SSC4D: variants seen among roughly 807,000 people sequenced by gnomAD.
The protein encoded by SSC4D is scavenger receptor cysteine rich family member with 4 domains, also known as scavenger receptor cysteine-rich domain-containing group B protein.
Under a neutral mutation model 63.4 loss-of-function variants are expected in SSC4D, and 57 were observed. The ratio of observed to expected loss-of-function variants is 0.90; its 90% CI spans 0.73 to 1.12. The LOEUF (loss-of-function observed/expected upper bound fraction) is 1.12. Ranked by LOEUF, SSC4D falls within the 50% of genes most tolerant of loss-of-function variation. The pLI is 0.00. For missense variants in SSC4D, 791 were observed against 806.4 expected (o/e 0.98, Z 0.23); for synonymous variants, 352 against 345.4 (o/e 1.02, Z -0.21).
In SSC4D at chr7:76,404,350, G is replaced by T. The variant is rs755675529; in HGVS notation, c.90C>A (p.Pro30=). 90 of 1,612,810 alleles carry T rather than the reference G, an allele frequency of 5.6e-5. No homozygotes were observed. The highest frequency in any genetic ancestry group is 7.4e-5 in the Non-Finnish European group (87 of 1,179,484). ...WRLGDGSAAP[P]FLPQALSFLL... is the part of the protein sequence containing the mutation. ...GGAAAGACAGGGCTTGGGGGAGGAA[G>T]GGAGGGGCAGCACTCCCATCTCCCA... The change falls in exon 2 of 11, where the codon CCC becomes CCA. Residue 30 remains proline, a synonymous_variant. Coordinates refer to ENST00000275560, the MANE Select transcript of SSC4D (RefSeq NM_080744.2).
chr7:76,396,003 C>T (rs1804630870), intron 6 of SSC4D, among the ~76,000 whole-genome samples: 1 of 152,238 alleles, frequency 6.6e-6, no homozygotes, highest in South Asian at 2.1e-4. Flanking sequence ...CCCATTATCC[C>T]CCTCTTACAG....
intron 7 of SSC4D, among the ~76,000 whole-genome samples, chr7:76,394,809 A>C (rs1804596440): frequency 6.9e-6 from 1 of 143,974 alleles, no homozygotes; most frequent in Non-Finnish European, 1.5e-5. Flanking sequence ...AATATATAAA[A>C]TATGTGTATA....
In SSC4D at chr7:76,400,494, C is replaced by T. The variant is rs149742950; in HGVS notation, c.267G>A (p.Val89=). ...WGSVCDDDWD[V]VDANVVCRQL... ...GGCGACACACTACGTTGGCGTCCAC[C>T]ACGTCCCAGTCGTCATCACAGACGC... Residue 89 remains valine (V), a synonymous_variant, in exon 4 of 11, where the codon GTG becomes GTA. Transcript: ENST00000275560. The T allele has an allele frequency of 9.4e-6, 15 of 1,603,976 alleles. No homozygotes were observed. The highest frequency in any genetic ancestry group is 1.3e-5 in the Non-Finnish European group (15 of 1,175,030).
chr7:76,404,381 C>T lies in SSC4D; in HGVS notation c.59G>A (p.Trp20Ter), dbSNP rs1804931391. The T allele has an allele frequency of 2.5e-6, 4 of 1,613,948 alleles. No individual in the cohort carries two copies. Among genetic ancestry groups the T allele is most frequent in the Non-Finnish European group, 3.4e-6 (4 of 1,179,966 alleles). The change falls in exon 2 of 11, where the codon TGG (tryptophan) becomes TAG (stop). Residue 20 changes from tryptophan to a stop codon, truncating the protein, a stop_gained. Transcript: ENST00000275560. LOFTEE classifies it high-confidence loss of function. ...GPQLDEKRWGWRLGDGSAAPP... is the reference protein window; with the variant it reads ...GPQLDEKRWG ...GGCAGCACTCCCATCTCCCAACCTC[C>T]ACCCCCAGCGCTTCTCATCCAGCTG...
At chr7:76,396,553 C>T (rs1189134983) in intron 6 of SSC4D, among the ~76,000 whole-genome samples, 1 of 152,166 alleles carries the variant, frequency 6.6e-6, no homozygotes, top group Non-Finnish European at 1.5e-5. Context: ...CTGCTAACAC[C>T]AGCTGGCCCT....
chr7:76,394,768 T>TATATATATATATATATATAA (rs1554621451), intron 7 of SSC4D, among the ~76,000 whole-genome samples: 84 of 122,094 alleles, frequency 6.9e-4, no homozygotes, highest in African/African-American at 2.8e-3. Context: ...TATATATATA[T>TATATATATATATATATATAA]AAAATATGTA....
intron 4 of SSC4D, 37 bp from the exon 5 acceptor site, chr7:76,398,834 G>A (rs1218944282): frequency 6.2e-7 from 1 of 1,604,608 alleles, no homozygotes; most frequent in East Asian, 2.2e-5. Context: ...GGGTCTTTCT[G>A]TTCTCCATCC....
At position 76,397,746 on chromosome 7, in the gene SSC4D, A is replaced by T; in HGVS notation, c.640T>A (p.Cys214Ser). The change falls in exon 6 of 11, where the codon TGT becomes AGT. Residue 214 changes from cysteine (C) to serine (S), a missense_variant. By Grantham distance (112) the Cys-to-Ser change is moderately radical (BLOSUM62 -1). Transcript: ENST00000275560. ...TCCGGCAGCCCCCAGTCGTCGTCAC[A>T]CACGGTGCCCCACAGGCCACTGTGC... ...ILHSGLWGTV[C>S]DDDWGLPDAA... 6.2e-7 allele frequency: 1 copy of T among 1,613,228 alleles called. No individual in the cohort carries two copies. Among genetic ancestry groups the T allele is most frequent in the South Asian group, 1.1e-5 (1 of 91,044 alleles).
At chr7:76,401,827 C>T (rs1424603109) in intron 2 of SSC4D, among the ~76,000 whole-genome samples, 1 of 152,156 alleles carries the variant, frequency 6.6e-6, no homozygotes. Flanking sequence ...ACCACATACC[C>T]AGGCCTCTTT....
intron 6 of SSC4D, among the ~76,000 whole-genome samples, chr7:76,396,641 T>G (rs542428986): frequency 6.6e-6 from 1 of 152,346 alleles, no homozygotes; most frequent in African/African-American, 2.4e-5. Flanking sequence ...TTGCATTAAC[T>G]GTGTGACCAT....
In SSC4D at chr7:76,393,824, A is replaced by G; in HGVS notation, c.1021+6T>C. On this transcript the variant is annotated splice_donor_region_variant and intron_variant, in intron 8 of 10. Coordinates refer to ENST00000275560, the MANE Select transcript of SSC4D (RefSeq NM_080744.2). ...ATCCCCCGCAGACCCAGGCACCGCC[A>G]CTTACTTTTCTTCCCCGCGGCCCAG... 10 of 1,584,794 alleles carry G rather than the reference A, an allele frequency of 6.3e-6. No individual in the cohort carries two copies. The highest frequency in any genetic ancestry group is 8.6e-6 in the Non-Finnish European group (10 of 1,163,766).
Position 76,395,470 on chromosome 7 carries a change from C to T in SSC4D, c.869-140G>A, listed in dbSNP as rs1209818370. On this transcript the variant is annotated intron_variant, in intron 6 of 10. Coordinates refer to ENST00000275560, the MANE Select transcript of SSC4D (RefSeq NM_080744.2). ...TCCAGGGCTGGTGGCCCAGCCGCAG[C>T]GGGGTTCCAAGGAGGCCTGTCCCCA... 7.4e-6 allele frequency: 6 copies of T among 808,960 alleles called. No individual in the cohort carries two copies. The East Asian group carries it at 1.1e-4, about 15-fold the overall frequency. 50.1% of individuals were successfully genotyped at this position (808,960 alleles called of 1,614,324 possible).
At position 76,405,339 on chromosome 7, in the gene SSC4D, CTTT is replaced by C. The variant is rs1193527373; in HGVS notation, c.-66-837_-66-835del. The stretch of plus-strand genomic sequence containing the variant: ...TATGTATTTTTTTCTTTCTTTCTTT[CTTT>C]TTTTTTTTTTTTTTTTTTTGGTAGA... On this transcript the variant is annotated intron_variant, in intron 1 of 10. Transcript: ENST00000275560. 9.9e-3 allele frequency among the ~76,000 whole-genome samples: 212 copies of C among 21,388 alleles called. 20 individuals are homozygous for C. Among genetic ancestry groups the C allele is most frequent in the African/African-American group, 0.042 (199 of 4,728 alleles). 14.0% of individuals were successfully genotyped at this position (21,388 alleles called of 152,430 possible).
chr7:76,392,611 T>C (rs571973205), intron 9 of SSC4D, among the ~76,000 whole-genome samples: 59 of 150,682 alleles, frequency 3.9e-4, no homozygotes, highest in Non-Finnish European at 7.4e-4. Context: ...GGCAACACAG[T>C]GAGACCTCAT....
intron 2 of SSC4D, among the ~76,000 whole-genome samples, chr7:76,402,754 C>G (rs1804872260): frequency 1.3e-5 from 2 of 152,170 alleles, no homozygotes; most frequent in South Asian, 4.1e-4. Flanking sequence ...ACCGCAACCT[C>G]CCCCTCCTGG....
At chr7:76,396,007 C>G (rs1469246307) in intron 6 of SSC4D, among the ~76,000 whole-genome samples, 1 of 152,260 alleles carries the variant, frequency 6.6e-6, no homozygotes, top group Non-Finnish European at 1.5e-5. Context: ...TTATCCCCCT[C>G]TTACAGAGAA....
Position 76,393,260 on chromosome 7 carries a change from C to G in SSC4D, c.1333+145G>C. ...GCCGCGCAGCCGCAGAGCGGGCGCA[C>G]GGCGGGGCGGCGCCCCTCTGCGGAG... On this transcript the variant is annotated intron_variant, in intron 9 of 10. Transcript: ENST00000275560. 3.6e-6 allele frequency: 3 copies of G among 842,862 alleles called. No homozygotes were observed. The South Asian group carries it at 1.8e-4, about 51-fold the overall frequency. 52.2% of individuals were successfully genotyped at this position (842,862 alleles called of 1,614,324 possible).
chr7:76,405,892 T>G (rs1805009286), intron 1 of SSC4D, among the ~76,000 whole-genome samples: 1 of 152,092 alleles, frequency 6.6e-6, no homozygotes, highest in Non-Finnish European at 1.5e-5. Flanking sequence ...CTTTCCTTCC[T>G]TCCTTCTGTC....
chr7:76,401,825 C>G (rs1034752673), intron 2 of SSC4D, among the ~76,000 whole-genome samples: 1 of 152,196 alleles, frequency 6.6e-6, no homozygotes, highest in Non-Finnish European at 1.5e-5. Flanking sequence ...ACACCACATA[C>G]CCAGGCCTCT....
Sources: gnomAD v4.1 joint callset for allele counts (sites outside exome capture counted in the v4.1 genomes callset) on GRCh38, gnomAD v4.1.1 for gene constraint, MANE v1.5 for transcripts, NCBI Gene and HGNC (gene_info 2026-07-23, HGNC 2026-07-21) for gene names.